Variants in AHI1 observed in about 807,000 individuals in gnomAD.
The protein encoded by AHI1 is Abelson helper integration site 1, also known as jouberin.
Under a neutral mutation model 149.3 loss-of-function variants are expected in AHI1, and 123 were observed. The ratio of observed to expected loss-of-function variants is 0.82; its 90% CI spans 0.71 to 0.96. The LOEUF (loss-of-function observed/expected upper bound fraction) is 0.96. Ranked by LOEUF, AHI1 falls within the 40% of genes least tolerant of loss-of-function variation. The pLI is 0.00. For missense variants in AHI1, 1,439 were observed against 1,422.7 expected, an observed-to-expected ratio of 1.01 and a Z score of -0.18; for synonymous variants, 475 against 459.8, an observed-to-expected ratio of 1.03 and a Z score of -0.42.
chr6:135,393,761 C>A (rs1235164790), intron 23 of AHI1, among the ~76,000 whole-genome samples: 6 of 151,964 alleles, frequency 3.9e-5, no homozygotes, highest in Admixed American at 2.6e-4. Context: ...CACATAGCAC[C>A]TTATGCTTAT....
At chr6:135,426,845 A>G in intron 20 of AHI1, among the ~76,000 whole-genome samples, 1 of 151,678 alleles carries the variant, frequency 6.6e-6, no homozygotes, top group Non-Finnish European at 1.5e-5. Context: ...CAAAACTACA[A>G]TTTATTAAAA....
chr6:135,381,908 T>C (rs2128468679), intron 23 of AHI1, among the ~76,000 whole-genome samples: 1 of 152,356 alleles, frequency 6.6e-6, no homozygotes, highest in African/African-American at 2.4e-5. Context: ...CTTGATGAAA[T>C]GCTTCAATTA....
In AHI1 at chr6:135,433,020, G is replaced by A; in HGVS notation, c.2266+7C>T. The A allele has an allele frequency of 1.3e-6, 2 of 1,596,476 alleles. No individual in the cohort carries two copies. Among genetic ancestry groups the A allele is most frequent in the Non-Finnish European group, 1.7e-6 (2 of 1,164,304 alleles). On this transcript the variant is annotated splice_region_variant and intron_variant, in intron 16 of 28. Transcript: ENST00000265602. ...TAGCTGGTCTTCATTCATAGTCTCT[G>A]ACATACCTTCAGTATCAAAACAAAG... is the stretch of plus-strand genomic sequence containing the variant.
Position 135,490,691 on chromosome 6 carries a change from G to C in AHI1, c.67C>G (p.His23Asp). The change falls in exon 5 of 29, where the codon CAC (histidine) becomes GAC (aspartate). Residue 23 changes from histidine to aspartate, a missense_variant. Coordinates refer to ENST00000265602, the MANE Select transcript of AHI1 (RefSeq NM_001134831.2). ...TTCTTTTCACGCATTAGATCACTGT[G>C]GGTCTTAAGCAATTCTTCAAAGCGA... is the stretch of plus-strand genomic sequence containing the variant. ...KVRFEELLKTHSDLMREKKKL... is the reference protein window; with the variant it reads ...KVRFEELLKTDSDLMREKKKL... The C allele has an allele frequency of 6.2e-7, 1 of 1,613,502 alleles. No individual in the cohort carries two copies. The highest frequency in any genetic ancestry group is 2.2e-5 in the East Asian group (1 of 44,822).
At chr6:135,376,921 A>G (rs987904208) in intron 23 of AHI1, among the ~76,000 whole-genome samples, 83 of 128,794 alleles carry the variant, frequency 6.4e-4, no homozygotes, top group African/African-American at 2.2e-3. Context: ...AAAAAAAAAA[A>G]GTTGGTCCAG....
intron 7 of AHI1, among the ~76,000 whole-genome samples, chr6:135,464,358 T>C (rs149825907): frequency 6.6e-6 from 1 of 152,160 alleles, no homozygotes; most frequent in Non-Finnish European, 1.5e-5. Context: ...CTATTTCATA[T>C]TGACTATGGC....
intron 27 of AHI1, among the ~76,000 whole-genome samples, chr6:135,293,861 T>A (rs940776841): frequency 1.3e-5 from 2 of 152,222 alleles, no homozygotes; most frequent in African/African-American, 4.8e-5. Context: ...TAGAAATTGA[T>A]AAGCTAATTC....
chr6:135,391,718 T>TA (rs202157226), intron 23 of AHI1, among the ~76,000 whole-genome samples: 4,019 of 151,650 alleles, frequency 0.027, 74 homozygotes, highest in Non-Finnish European at 0.037. Flanking sequence ...TAAGTATTGT[T>TA]AAAAAAAAAT....
At chr6:135,473,510 T>C (rs1487865395) in intron 5 of AHI1, among the ~76,000 whole-genome samples, 1 of 152,204 alleles carries the variant, frequency 6.6e-6, no homozygotes, top group African/African-American at 2.4e-5. Context: ...TATCTAACTG[T>C]AATTGCTGAT....
chr6:135,303,905 A>G (rs1377566656), intron 26 of AHI1, among the ~76,000 whole-genome samples: 1 of 152,228 alleles, frequency 6.6e-6, no homozygotes, highest in Non-Finnish European at 1.5e-5. Flanking sequence ...TACAAGCTCT[A>G]AACAAGACTA....
intron 23 of AHI1, among the ~76,000 whole-genome samples, chr6:135,365,717 G>T (rs561927831): frequency 6.6e-6 from 1 of 152,300 alleles, no homozygotes. Context: ...TTTTGGATGA[G>T]TCTTTAGCGT....
In AHI1 at chr6:135,430,872, A is replaced by G. The variant is rs72980225; in HGVS notation, c.2373+336T>C. Among the ~76,000 whole-genome samples, 3,600 of 152,130 alleles carry G rather than the reference A, an allele frequency of 0.024. 71 individuals carry two copies. Among genetic ancestry groups the G allele is most frequent in the Non-Finnish European group, 0.037 (2,493 of 67,850 alleles). On this transcript the variant is annotated intron_variant, in intron 17 of 28. Transcript: ENST00000265602. ...TATAATTGGACCAAGGAAAAAGGAT[A>G]TAATAGGAAATATAAATTATTACTT...
chr6:135,314,624 T>A (rs552085072), intron 26 of AHI1, among the ~76,000 whole-genome samples: 1 of 152,314 alleles, frequency 6.6e-6, no homozygotes, highest in African/African-American at 2.4e-5. Context: ...TCACCATATA[T>A]CCTTGCTTAT....
chr6:135,428,636 T>C lies in AHI1; in HGVS notation c.2616A>G (p.Pro872=). 6.3e-7 allele frequency: 1 copy of C among 1,598,932 alleles called. No individual in the cohort carries two copies. The highest frequency in any genetic ancestry group is 8.5e-7 in the Non-Finnish European group (1 of 1,172,032). Reference sequence around the variant, plus strand: ...AGTTCAATAAACATTCACCTGTTTCTGGGTTCCAAACATACACTATACCAT... The same window carrying C: ...AGTTCAATAAACATTCACCTGTTTCCGGGTTCCAAACATACACTATACCAT... ...SEDGIVYVWN[P]ETGEQVAMYS... Residue 872 remains proline, a synonymous_variant, in exon 19 of 29, where the codon CCA becomes CCG. Transcript: ENST00000265602.
At chr6:135,412,567 G>A (rs1781757466) in intron 20 of AHI1, among the ~76,000 whole-genome samples, 1 of 152,184 alleles carries the variant, frequency 6.6e-6, no homozygotes, top group Admixed American at 6.5e-5. Context: ...TGATGATGAT[G>A]ATAATGAGCA....
chr6:135,338,961 T>C (rs1305257025), intron 24 of AHI1, among the ~76,000 whole-genome samples: 3 of 149,376 alleles, frequency 2.0e-5, no homozygotes, highest in African/African-American at 5.0e-5. Context: ...AGAGTCTCAC[T>C]CTGTTGCCCA....
intron 23 of AHI1, among the ~76,000 whole-genome samples, chr6:135,392,017 A>C (rs568160384): frequency 2.0e-4 from 30 of 152,228 alleles, no homozygotes; most frequent in African/African-American, 7.0e-4. Flanking sequence ...GGGGCAAAAA[A>C]CCCAAGAGTT....
chr6:135,390,931 TATAAG>T (rs1458880248), intron 23 of AHI1, among the ~76,000 whole-genome samples: 2 of 152,226 alleles, frequency 1.3e-5, no homozygotes, highest in Non-Finnish European at 2.9e-5. Context: ...TGAGATACAA[TATAAG>T]ATGTTTACTA....
intron 13 of AHI1, 39 bp from the exon 14 acceptor site, chr6:135,442,753 A>G (rs1786517373): frequency 3.2e-6 from 5 of 1,550,434 alleles, no homozygotes; most frequent in South Asian, 1.3e-5. Flanking sequence ...ATTAGCAAAC[A>G]TTAAAACGCG....
Sources: gnomAD v4.1 joint callset for allele counts (sites outside exome capture counted in the v4.1 genomes callset) on GRCh38, gnomAD v4.1.1 for gene constraint, MANE v1.5 for transcripts, NCBI Gene and HGNC (gene_info 2026-07-23, HGNC 2026-07-21) for gene names.